The following QRSL1 variants were observed in gnomAD, a reference collection of about 807,000 sequenced individuals.
QRSL1 encodes glutamyl-tRNA(Gln) amidotransferase subunit A, mitochondrial.
In QRSL1, 54 loss-of-function variants were observed where a neutral mutation model predicts 61.6. The observed-to-expected ratio is 0.88, with a 90% CI of 0.70 to 1.10. The LOEUF (loss-of-function observed/expected upper bound fraction) is 1.10. Among genes scored for constraint, QRSL1 ranks in the 50% least tolerant of loss-of-function variants. The probability of loss-of-function intolerance (pLI) is 0.00; values close to 1 mark genes in which losing one functional copy is unlikely to be tolerated. For missense variants in QRSL1, 505 were observed against 622.6 expected (o/e 0.81, Z 2.01); for synonymous variants, 228 against 225.7 (o/e 1.01, Z -0.09).
chr6:106,662,776 T>C lies in QRSL1; in HGVS notation c.1161-204T>C, dbSNP rs73761715. On this transcript the variant is annotated intron_variant, in intron 9 of 10. Transcript: ENST00000369046. Reference sequence around the variant, plus strand: ...CCCAAACTTTCCCCTATGGCGTCTATGATAGAAAAACACTCCTCTCTCATA... The same window carrying C: ...CCCAAACTTTCCCCTATGGCGTCTACGATAGAAAAACACTCCTCTCTCATA... Among the ~76,000 whole-genome samples the C allele has an allele frequency of 4.2e-3, 635 of 152,286 alleles. 1 individual carries two copies. The highest frequency in any genetic ancestry group is 0.015 in the African/African-American group (605 of 41,554).
In QRSL1 at chr6:106,665,528, T is replaced by G. The variant is rs1026621; in HGVS notation, c.1367-254T>G. Among the ~76,000 whole-genome samples, 12,758 of 152,278 alleles carry G rather than the reference T, an allele frequency of 0.084. 590 individuals carry two copies. Among genetic ancestry groups the G allele is most frequent in the East Asian group, 0.11 (568 of 5,182 alleles). ...AGAAGACTGGTTTACTCAATTATGG[T>G]AAAACCAAGTAATGGAGTACTATAC... On this transcript the variant is annotated intron_variant, in intron 10 of 10. Transcript: ENST00000369046.
intron 1 of QRSL1, among the ~76,000 whole-genome samples, chr6:106,632,016 A>T (rs1020482445): frequency 3.3e-5 from 5 of 152,168 alleles, no homozygotes; most frequent in Admixed American, 3.3e-4. Flanking sequence ...CCACGAGGTC[A>T]ATTGTTTTCA....
At chr6:106,641,499 T>C (rs1777019468) in intron 3 of QRSL1, among the ~76,000 whole-genome samples, 1 of 152,214 alleles carries the variant, frequency 6.6e-6, no homozygotes, top group South Asian at 2.1e-4. Context: ...AATGCTTAGA[T>C]TTATTCTTTA....
intron 1 of QRSL1, among the ~76,000 whole-genome samples, chr6:106,632,630 T>C (rs1776856609): frequency 6.6e-6 from 1 of 152,212 alleles, no homozygotes; most frequent in Admixed American, 6.5e-5. Context: ...TTATTGCCTG[T>C]CTTTTGGATA....
chr6:106,659,465 C>CA (rs551505405), intron 9 of QRSL1, among the ~76,000 whole-genome samples: 6,493 of 102,978 alleles, frequency 0.063, 244 homozygotes, highest in Admixed American at 0.16. Flanking sequence ...ACTCTGTCTC[C>CA]AAAAAAAAAA....
chr6:106,639,131 T>TTTTG lies in QRSL1; in HGVS notation c.25-1215_25-1214insGTTT, dbSNP rs1554200749. On this transcript the variant is annotated intron_variant, in intron 1 of 10. Coordinates refer to ENST00000369046, the MANE Select transcript of QRSL1 (RefSeq NM_018292.5). Reference sequence around the variant, plus strand: ...TGTGTGTTTTGTTGTTTTTTTTTTTTTTTTTTTTTTTTTTTGACAGAGTCT... The same window carrying TTTTG: ...TGTGTGTTTTGTTGTTTTTTTTTTTTTTTGTTTTTTTTTTTTTTTGACAGAGTCT... Among the ~76,000 whole-genome samples, 41 of 138,610 alleles carry TTTTG rather than the reference T, an allele frequency of 3.0e-4. 1 individual carries two copies. Among genetic ancestry groups the TTTTG allele is most frequent in the Non-Finnish European group, 5.3e-4 (35 of 65,518 alleles). 90.9% of individuals were successfully genotyped at this position (138,610 alleles called of 152,430 possible).
intron 10 of QRSL1, 83 bp from the exon 11 acceptor site, chr6:106,665,699 C>G: frequency 8.6e-7 from 1 of 1,162,630 alleles, no homozygotes; most frequent in Non-Finnish European, 1.3e-6. Context: ...CTGTATTGTA[C>G]TTATTAGCAC....
chr6:106,648,419 C>G (rs1449079019), intron 4 of QRSL1, among the ~76,000 whole-genome samples: 1 of 152,100 alleles, frequency 6.6e-6, no homozygotes, highest in Non-Finnish European at 1.5e-5. Flanking sequence ...GGATAAAGGG[C>G]TATGATATAC....
rs764345584 is a variant in QRSL1 at position 106,643,119 on chromosome 6, T to C, written c.380+29T>C. On this transcript the variant is annotated intron_variant, in intron 4 of 10. Transcript: ENST00000369046. ...AGTAAAATTGAAATCTTCTCTTGAG[T>C]TTCTTCTGTCTGTGCCTTTATTTTC... 4 of 1,458,320 alleles carry C rather than the reference T, an allele frequency of 2.7e-6. No individual in the cohort carries two copies. In the South Asian group the frequency reaches 3.6e-5, roughly 13 times the overall value. 90.3% of individuals were successfully genotyped at this position (1,458,320 alleles called of 1,614,324 possible). A position where few individuals can be genotyped will look rare whatever the true frequency, so the allele number is the denominator to read the frequency against.
At chr6:106,633,776 A>T (rs72613237) in intron 1 of QRSL1, among the ~76,000 whole-genome samples, 10,786 of 152,086 alleles carry the variant, frequency 0.071, 956 homozygotes, top group African/African-American at 0.19. Context: ...AAAACTAATC[A>T]TTGTTCTATA....
At chr6:106,631,947 A>G (rs562886458) in intron 1 of QRSL1, among the ~76,000 whole-genome samples, 1 of 152,142 alleles carries the variant, frequency 6.6e-6, no homozygotes, top group Admixed American at 6.5e-5. Context: ...ACCCATCCCC[A>G]CTTCCCACCC....
At chr6:106,635,439 G>C (rs1254577777) in intron 1 of QRSL1, among the ~76,000 whole-genome samples, 2 of 152,158 alleles carry the variant, frequency 1.3e-5, no homozygotes, top group Non-Finnish European at 2.9e-5. Flanking sequence ...TGGTGATCTT[G>C]ATACGCAGTT....
At chr6:106,629,800 C>A in intron 1 of QRSL1, 95 bp downstream of exon 1, 1 of 1,463,402 alleles carries the variant, frequency 6.8e-7, no homozygotes, top group Non-Finnish European at 9.3e-7. Flanking sequence ...CGCATCTTGG[C>A]CCACCTCGCT....
At chr6:106,631,173 C>G (rs1776822206) in intron 1 of QRSL1, among the ~76,000 whole-genome samples, 1 of 152,086 alleles carries the variant, frequency 6.6e-6, no homozygotes, top group South Asian at 2.1e-4. Context: ...TTGCAGTGAG[C>G]CAAGATCACG....
intron 4 of QRSL1, 121 bp from the exon 5 acceptor site, chr6:106,648,904 C>A: frequency 1.0e-6 from 1 of 967,142 alleles, no homozygotes. Context: ...TTTTTCAATT[C>A]AAGCTACAGT....
At chr6:106,662,192 T>C (rs1383184827) in intron 9 of QRSL1, among the ~76,000 whole-genome samples, 1 of 152,198 alleles carries the variant, frequency 6.6e-6, no homozygotes, top group Non-Finnish European at 1.5e-5. Flanking sequence ...ATCCGTAAAA[T>C]ACAAAATTCA....
intron 9 of QRSL1, among the ~76,000 whole-genome samples, chr6:106,659,526 C>T (rs998986463): frequency 1.3e-5 from 2 of 150,902 alleles, no homozygotes; most frequent in African/African-American, 4.9e-5. Flanking sequence ...CTCAGTATTC[C>T]ATCATTTTTG....
At chr6:106,642,579 A>G (rs1777038725) in intron 3 of QRSL1, 2 of 742,512 alleles carry the variant, frequency 2.7e-6, no homozygotes, top group African/African-American at 1.7e-5. Context: ...GTGGACATCA[A>G]GGGAATGGGT....
intron 9 of QRSL1, among the ~76,000 whole-genome samples, chr6:106,657,839 G>A (rs1391709823): frequency 6.6e-6 from 1 of 151,960 alleles, no homozygotes; most frequent in Non-Finnish European, 1.5e-5. Context: ...TGAGTAGCTG[G>A]GACTACAGGC....
Sources: gnomAD v4.1 joint callset for allele counts (sites outside exome capture counted in the v4.1 genomes callset) on GRCh38, gnomAD v4.1.1 for gene constraint, MANE v1.5 for transcripts, NCBI Gene and HGNC (gene_info 2026-07-23, HGNC 2026-07-21) for gene names.